CD109: variants seen among roughly 807,000 people sequenced by gnomAD.
CD109 encodes CD109 molecule.
In CD109, 149 loss-of-function variants were observed where a neutral mutation model predicts 165.8. The observed-to-expected ratio is 0.90, with a 90% CI of 0.79 to 1.03. The LOEUF (loss-of-function observed/expected upper bound fraction) is 1.03, where lower values mean the gene tolerates loss of function less well. Among genes scored for constraint, CD109 ranks in the 50% least tolerant of loss-of-function variants. CD109 has a pLI of 0.00. For missense variants in CD109, 1,712 were observed against 1,677.8 expected (o/e 1.02, Z -0.36); for synonymous variants, 585 against 592.1 (o/e 0.99, Z 0.18).
Position 73,806,971 on chromosome 6 carries a change from C to A in CD109, c.3088C>A (p.Pro1030Thr). ...GAAATCCAACGGTGAATTTTGGGAT[C>A]CAGGAAGAGTGATTCATAGTGAGCT... Reference protein sequence around the residue: ...HQKSNGEFWDPGRVIHSELQG... With the variant: ...HQKSNGEFWDTGRVIHSELQG... Residue 1030 changes from proline (P) to threonine (T), a missense_variant, in exon 25 of 33, where the codon CCA (proline) becomes ACA (threonine). Pro to Thr is a conservative substitution (Grantham distance 38). Coordinates refer to ENST00000287097, the MANE Select transcript of CD109 (RefSeq NM_133493.5). 1 of 1,613,948 alleles carries A rather than the reference C, an allele frequency of 6.2e-7. No individual in the cohort carries two copies. Among genetic ancestry groups the A allele is most frequent in the South Asian group, 1.1e-5 (1 of 91,060 alleles).
In CD109 at chr6:73,814,999, G is replaced by A; in HGVS notation, c.3787G>A (p.Val1263Met). 3 of 1,559,518 alleles carry A rather than the reference G, an allele frequency of 1.9e-6. No individual in the cohort carries two copies. The highest frequency in any genetic ancestry group is 2.5e-5 in the South Asian group (2 of 80,986). ...AICQLNVVYN[V>M]KASGSSRRRR... ...TTTACAGCTCAATGTTGTATATAAT[G>A]TGAAGGCTTCTGGGTCTTCTAGAAG... is the stretch of plus-strand genomic sequence containing the variant. Residue 1263 changes from valine to methionine, a missense_variant, in exon 30 of 33, where the codon GTG becomes ATG. Physicochemically the swap from Val to Met is conservative, Grantham distance 21. Coordinates refer to ENST00000287097, the MANE Select transcript of CD109 (RefSeq NM_133493.5).
At chr6:73,781,947 A>T (rs1284263060) in intron 17 of CD109, among the ~76,000 whole-genome samples, 2 of 152,308 alleles carry the variant, frequency 1.3e-5, no homozygotes, top group East Asian at 3.9e-4. Context: ...TTTTAGAAAG[A>T]CGTCATAAAA....
At chr6:73,731,604 T>C (rs756991639) in intron 4 of CD109, among the ~76,000 whole-genome samples, 1 of 152,184 alleles carries the variant, frequency 6.6e-6, no homozygotes, top group African/African-American at 2.4e-5. Context: ...TTGAAACTTA[T>C]GCTAAGTGAA....
chr6:73,771,690 G>A (rs552545154), intron 15 of CD109, 109 bp downstream of exon 15: 8 of 651,446 alleles, frequency 1.2e-5, no homozygotes, highest in African/African-American at 1.1e-4. Context: ...TCCTTTGCAT[G>A]TGTAAGTCAA....
At chr6:73,741,164 T>A (rs537295602) in intron 5 of CD109, among the ~76,000 whole-genome samples, 1 of 152,334 alleles carries the variant, frequency 6.6e-6, no homozygotes, top group East Asian at 1.9e-4. Context: ...ATTATAATGT[T>A]TAAGACCTCT....
chr6:73,767,011 G>C lies in CD109; in HGVS notation c.1497+1G>C, dbSNP rs779049655. On this transcript the variant is annotated splice_donor_variant, in intron 13 of 32. Coordinates refer to ENST00000287097, the MANE Select transcript of CD109 (RefSeq NM_133493.5). LOFTEE classifies it high-confidence loss of function. The stretch of plus-strand genomic sequence containing the variant: ...ACGATTGAAGGAGTTAAGCTATATG[G>C]TAATCTCTTATAGAATCTAAATTTA... 1.9e-5 allele frequency: 30 copies of C among 1,609,764 alleles called. No individual in the cohort carries two copies. The South Asian group carries it at 3.3e-4, about 18-fold the overall frequency.
At chr6:73,727,928 A>C (rs1475193242) in intron 3 of CD109, among the ~76,000 whole-genome samples, 1 of 152,186 alleles carries the variant, frequency 6.6e-6, no homozygotes, top group Non-Finnish European at 1.5e-5. Flanking sequence ...TTAAGATTGC[A>C]AGTTCCAGGC....
chr6:73,819,398 C>G (rs1051645409), intron 31 of CD109, among the ~76,000 whole-genome samples: 7 of 151,394 alleles, frequency 4.6e-5, no homozygotes, highest in Admixed American at 6.6e-5. Context: ...CTTGGTATGT[C>G]TCAAAACTGG....
chr6:73,722,478 C>T (rs974843206), intron 2 of CD109, among the ~76,000 whole-genome samples: 2 of 152,184 alleles, frequency 1.3e-5, no homozygotes, highest in Non-Finnish European at 2.9e-5. Flanking sequence ...GTGTACTGTG[C>T]TGTGCTCTGG....
the CD109 span, among the ~76,000 whole-genome samples, chr6:73,683,845 C>G: frequency 1.3e-5 from 2 of 152,016 alleles, no homozygotes; most frequent in Non-Finnish European, 2.9e-5. Context: ...TTTAAAACCA[C>G]CAGATCTCAT....
At chr6:73,795,470 C>T (rs1775120509) in intron 23 of CD109, among the ~76,000 whole-genome samples, 1 of 152,156 alleles carries the variant, frequency 6.6e-6, no homozygotes, top group Admixed American at 6.5e-5. Flanking sequence ...CAAAGCAGTG[C>T]TAGTCCCTCA....
rs1774557700 is a variant in CD109, at chr6:73,782,838, A to G, written c.2105+83A>G. 4 of 1,343,924 alleles carry G rather than the reference A, an allele frequency of 3.0e-6. No individual in the cohort carries two copies. The African/African-American group carries it at 5.8e-5, about 20-fold the overall frequency. 83.2% of individuals were successfully genotyped at this position (1,343,924 alleles called of 1,614,324 possible). A position where few individuals can be genotyped will look rare whatever the true frequency, so the allele number is the denominator to read the frequency against. The stretch of plus-strand genomic sequence containing the variant: ...AAGCTTTGCCCGCTTTCTAATGTTT[A>G]AGTACAAACATAGTGTAACTAAGAA... On this transcript the variant is annotated intron_variant, in intron 18 of 32. Coordinates refer to ENST00000287097, the MANE Select transcript of CD109 (RefSeq NM_133493.5).
At chr6:73,800,905 CTTAA>C (rs1201975735) in intron 23 of CD109, among the ~76,000 whole-genome samples, 1 of 151,800 alleles carries the variant, frequency 6.6e-6, no homozygotes, top group Non-Finnish European at 1.5e-5. Flanking sequence ...CAAATATGGT[CTTAA>C]TTTATTTGTT....
upstream of CD109, chr6:73,693,912 T>C (rs1420167376): frequency 6.6e-6 from 1 of 151,272 alleles, no homozygotes; most frequent in Non-Finnish European, 1.5e-5. Flanking sequence ...TGAGACGGAG[T>C]TTTGCTCTTG....
intron 3 of CD109, among the ~76,000 whole-genome samples, chr6:73,725,645 AT>A (rs1391578359): frequency 6.6e-6 from 1 of 151,296 alleles, no homozygotes; most frequent in Non-Finnish European, 1.5e-5. Context: ...AGTAGCTGGG[AT>A]TACAGGCATG....
intron 31 of CD109, among the ~76,000 whole-genome samples, chr6:73,819,843 T>G (rs893662549): frequency 2.0e-5 from 3 of 152,248 alleles, no homozygotes; most frequent in African/African-American, 7.2e-5. Flanking sequence ...TTGTTAATGG[T>G]TATTTTAATT....
rs749705670 is a variant in CD109 at position 73,803,249 on chromosome 6, G to C, written c.2908G>C (p.Glu970Gln). Residue 970 changes from glutamate to glutamine, a missense_variant, in exon 24 of 33, where the codon GAA becomes CAA. Coordinates refer to ENST00000287097, the MANE Select transcript of CD109 (RefSeq NM_133493.5). Reference sequence around the variant, plus strand: ...CCAGAGAGAACTTCTCTATCAGAGGGAAGATGGCTCTTTCAGTGCTTTTGG... The same window carrying C: ...CCAGAGAGAACTTCTCTATCAGAGGCAAGATGGCTCTTTCAGTGCTTTTGG... ...GYQRELLYQR[E>Q]DGSFSAFGNY... The C allele has an allele frequency of 6.2e-6, 10 of 1,611,010 alleles. No homozygotes were observed. The South Asian group carries it at 1.1e-4, about 18-fold the overall frequency.
intron 23 of CD109, among the ~76,000 whole-genome samples, chr6:73,797,627 C>T (rs1194666411): frequency 2.0e-5 from 3 of 152,042 alleles, no homozygotes; most frequent in Non-Finnish European, 4.4e-5. Context: ...CACAAATAGC[C>T]GACTTTACTT....
chr6:73,720,516 C>G (rs1582057747), intron 2 of CD109, among the ~76,000 whole-genome samples: 1 of 151,914 alleles, frequency 6.6e-6, no homozygotes, highest in African/African-American at 2.4e-5. Flanking sequence ...TTCCTTTCCA[C>G]AAGTAGTTAT....
Sources: gnomAD v4.1 joint callset for allele counts (sites outside exome capture counted in the v4.1 genomes callset) on GRCh38, gnomAD v4.1.1 for gene constraint, MANE v1.5 for transcripts, NCBI Gene and HGNC (gene_info 2026-07-23, HGNC 2026-07-21) for gene names.